The following FYB1 variants were observed in gnomAD, a reference collection of about 807,000 sequenced individuals.
FYB1 encodes FYN-binding protein 1.
Under a neutral mutation model 94.1 loss-of-function variants are expected in FYB1, and 41 were observed. The observed-to-expected ratio is 0.44, with a 90% CI of 0.34 to 0.57. The LOEUF is 0.57. Among genes scored for constraint, FYB1 ranks in the 20% least tolerant of loss-of-function variants. The pLI, the probability that FYB1 is intolerant of heterozygous loss-of-function variation, is 0.02. For synonymous variants in FYB1, 367 were observed against 353.2 expected, an observed-to-expected ratio of 1.04 and a Z score of -0.44; for missense variants, 1,050 against 976.8, an observed-to-expected ratio of 1.07 and a Z score of -1.00.
At chr5:39,149,677 TG>T (rs1448599959) in intron 3 of FYB1, among the ~76,000 whole-genome samples, 1 of 152,036 alleles carries the variant, frequency 6.6e-6, no homozygotes, top group Non-Finnish European at 1.5e-5. Flanking sequence ...CAACTTCCCC[TG>T]CACTGACCTC....
At position 39,201,811 on chromosome 5, in the gene FYB1, G is replaced by C. The variant is rs374135811; in HGVS notation, c.1135+15C>G. ...GAGTAAACCATACTGAATAGCAAACGAGAAAAGAACTCACTGTTTCCAGAA... is the reference window on the plus strand; with the variant it reads ...GAGTAAACCATACTGAATAGCAAACCAGAAAAGAACTCACTGTTTCCAGAA... On this transcript the variant is annotated intron_variant, in intron 2 of 18. Coordinates refer to ENST00000512982, the MANE Select transcript of FYB1 (RefSeq NM_001465.6). 2.5e-6 allele frequency: 4 copies of C among 1,598,810 alleles called. No individual in the cohort carries two copies. The highest frequency in any genetic ancestry group is 3.4e-6 in the Non-Finnish European group (4 of 1,170,826).
chr5:39,225,812 A>G (rs970100482), intron 1 of FYB1, among the ~76,000 whole-genome samples: 6 of 152,228 alleles, frequency 3.9e-5, no homozygotes, highest in Non-Finnish European at 5.9e-5. Context: ...GTGGAGAGAG[A>G]AAATCATTGC....
intron 13 of FYB1, among the ~76,000 whole-genome samples, chr5:39,123,269 A>G (rs1487557558): frequency 1.3e-5 from 2 of 152,170 alleles, no homozygotes; most frequent in Admixed American, 1.3e-4. Context: ...CCTCGTGTGT[A>G]TTCAGGTTAA....
rs990969169 is a variant in FYB1, at chr5:39,106,813, A to G, written c.*630T>C. The stretch of plus-strand genomic sequence containing the variant: ...AGACTTCAATGTGCATACTAAATGC[A>G]TAACATTCGTATCAAATAATTAACA... On this transcript the variant is annotated 3_prime_UTR_variant, in exon 19 of 19. Coordinates refer to ENST00000512982, the MANE Select transcript of FYB1 (RefSeq NM_001465.6). 1.3e-5 allele frequency: 2 copies of G among 152,106 alleles called. No individual in the cohort carries two copies. Among genetic ancestry groups the G allele is most frequent in the African/African-American group, 2.4e-5 (1 of 41,454 alleles). The allele number at this position is 152,106 out of a possible 1,614,324, so 9.4% of individuals were successfully genotyped here.
At chr5:39,237,721 T>C (rs1579758279) in intron 1 of FYB1, among the ~76,000 whole-genome samples, 1 of 152,150 alleles carries the variant, frequency 6.6e-6, no homozygotes, top group East Asian at 1.9e-4. Flanking sequence ...AAATTTGTTT[T>C]GAATATTTCA....
chr5:39,239,915 A>G (rs1221716043), intron 1 of FYB1, among the ~76,000 whole-genome samples: 1 of 152,208 alleles, frequency 6.6e-6, no homozygotes, highest in African/African-American at 2.4e-5. Flanking sequence ...AAACTATACT[A>G]TAAGGCTACA....
At position 39,138,577 on chromosome 5, in the gene FYB1, T is replaced by C; in HGVS notation, c.1394+80A>G. The C allele has an allele frequency of 6.4e-6, 5 of 776,554 alleles. No individual in the cohort carries two copies. The South Asian group carries it at 8.9e-5, about 14-fold the overall frequency. 48.1% of individuals were successfully genotyped at this position (776,554 alleles called of 1,614,324 possible). A position where few individuals can be genotyped will look rare whatever the true frequency, so the allele number is the denominator to read the frequency against. On this transcript the variant is annotated intron_variant, in intron 6 of 18. Transcript: ENST00000512982. ...AAATCAAGCTTCCCTCCTAGTGTTGTTATATACCCACTCTCCCTCATACAA... is the reference window on the plus strand; with the variant it reads ...AAATCAAGCTTCCCTCCTAGTGTTGCTATATACCCACTCTCCCTCATACAA...
At chr5:39,262,431 A>G (rs1298670976) in intron 1 of FYB1, among the ~76,000 whole-genome samples, 4 of 152,238 alleles carry the variant, frequency 2.6e-5, no homozygotes, top group Admixed American at 2.6e-4. Flanking sequence ...TAAAACTAAA[A>G]CAATAATGAA....
chr5:39,115,096 T>TA (rs1416356229), intron 16 of FYB1, among the ~76,000 whole-genome samples: 2 of 109,428 alleles, frequency 1.8e-5, no homozygotes, highest in Admixed American at 2.1e-4. Context: ...ATGAAACACA[T>TA]AATTTTTTTT....
In FYB1 at chr5:39,194,450, G is replaced by T. The variant is rs188400691; in HGVS notation, c.1135+7376C>A. 4.9e-4 allele frequency among the ~76,000 whole-genome samples: 75 copies of T among 152,204 alleles called. 1 individual carries two copies. Among genetic ancestry groups the T allele is most frequent in the Admixed American group, 4.4e-3 (67 of 15,280 alleles). ...CTGAAGTGGAGGGATTTGTGCCCAGGAGTTCAAGGCTGCAGTGAGCTGTGA... is the reference window on the plus strand; with the variant it reads ...CTGAAGTGGAGGGATTTGTGCCCAGTAGTTCAAGGCTGCAGTGAGCTGTGA... On this transcript the variant is annotated intron_variant, in intron 2 of 18. Coordinates refer to ENST00000512982, the MANE Select transcript of FYB1 (RefSeq NM_001465.6).
chr5:39,131,365 TTAAG>T (rs1741192024), intron 9 of FYB1, among the ~76,000 whole-genome samples: 1 of 152,166 alleles, frequency 6.6e-6, no homozygotes, highest in Admixed American at 6.6e-5. Context: ...CTCTGAGAAA[TTAAG>T]TGACTTGACC....
chr5:39,223,962 C>G (rs1307805764), upstream of FYB1, among the ~76,000 whole-genome samples: 1 of 152,210 alleles, frequency 6.6e-6, no homozygotes, highest in Non-Finnish European at 1.5e-5. Flanking sequence ...CCTGTGCTGT[C>G]TGCTCAGTAT....
At position 39,270,090 on chromosome 5, in the gene FYB1, T is replaced by A. The variant is rs181481361; in HGVS notation, c.-28+4313A>T. Among the ~76,000 whole-genome samples the A allele has an allele frequency of 5.4e-3, 827 of 152,252 alleles. 7 individuals are homozygous for A. The highest frequency in any genetic ancestry group is 0.018 in the African/African-American group (750 of 41,540). ...TTAAGGTTAAGACTGTTTGGGCTTTTTTTGCGTCTCTTAATTAAAATAAAA... is the reference window on the plus strand; with the variant it reads ...TTAAGGTTAAGACTGTTTGGGCTTTATTTGCGTCTCTTAATTAAAATAAAA... On this transcript the variant is annotated intron_variant, in intron 1 of 1. Transcript: ENST00000510188.
intron 13 of FYB1, among the ~76,000 whole-genome samples, chr5:39,123,186 A>G (rs1740288463): frequency 6.6e-6 from 1 of 152,214 alleles, no homozygotes; most frequent in Admixed American, 6.5e-5. Flanking sequence ...ATTACCATAA[A>G]AAGTTTAAAT....
intron 9 of FYB1, 57 bp downstream of exon 9, chr5:39,134,146 ATATAC>A: frequency 1.5e-6 from 2 of 1,307,138 alleles, no homozygotes; most frequent in Non-Finnish European, 2.1e-6. Flanking sequence ...TAGGATCTTA[ATATAC>A]AAAATTTCTG....
chr5:39,171,940 C>T (rs913816553), intron 2 of FYB1, among the ~76,000 whole-genome samples: 1 of 152,016 alleles, frequency 6.6e-6, no homozygotes, highest in African/African-American at 2.4e-5. Flanking sequence ...GAGGAAGTGA[C>T]AAGCAGGGGT....
chr5:39,231,814 T>A (rs918680000), intron 1 of FYB1, among the ~76,000 whole-genome samples: 3 of 152,096 alleles, frequency 2.0e-5, no homozygotes, highest in African/African-American at 7.3e-5. Flanking sequence ...TCAGCAATTC[T>A]CAGCTGCACC....
chr5:39,247,955 A>G (rs574651971), intron 1 of FYB1, among the ~76,000 whole-genome samples: 2 of 148,156 alleles, frequency 1.3e-5, no homozygotes, highest in Non-Finnish European at 3.0e-5. Flanking sequence ...GGTCTTAGGA[A>G]TTTGCTCCAG....
Position 39,243,911 on chromosome 5 carries a change from T to A in FYB1, c.-28+30492A>T, listed in dbSNP as rs185205651. On this transcript the variant is annotated intron_variant, in intron 1 of 1. Coordinates refer to the FYB1 transcript ENST00000510188. ...TTATTCTCTTTGAAGCAATTGTGAA[T>A]GGGAGTTCACTCATGATTTAGCTCT... Among the ~76,000 whole-genome samples the A allele has an allele frequency of 3.5e-3, 539 of 152,312 alleles. 7 individuals carry two copies. Among genetic ancestry groups the A allele is most frequent in the African/African-American group, 0.012 (501 of 41,566 alleles).
Sources: allele counts gnomAD v4.1 joint callset (sites outside exome capture counted in the v4.1 genomes callset), GRCh38; gene constraint gnomAD v4.1.1; transcripts MANE v1.5; gene names NCBI Gene and HGNC (gene_info 2026-07-23, HGNC 2026-07-21).